Variants in EDA2R observed in about 807,000 individuals in gnomAD.
EDA2R encodes ectodysplasin A2 receptor, also known as tumor necrosis factor receptor superfamily member 27.
A neutral mutation model predicts 20.1 loss-of-function variants in EDA2R; 26 were observed. That is an observed-to-expected ratio of 1.30 (90% CI 0.95 to 1.80). The LOEUF (loss-of-function observed/expected upper bound fraction) is 1.80, where lower values mean the gene tolerates loss of function less well. Among genes scored for constraint, EDA2R ranks in the 40% most tolerant of loss-of-function variants. The pLI is 0.00. For synonymous variants in EDA2R, 114 were observed against 88.7 expected, an observed-to-expected ratio of 1.29 and a Z score of -1.60; for missense variants, 277 against 228.7, an observed-to-expected ratio of 1.21 and a Z score of -1.36.
intron 2 of EDA2R, among the ~76,000 whole-genome samples, chrX:66,611,356 A>T (rs1449472889): frequency 2.7e-5 from 3 of 112,066 alleles, no homozygotes; most frequent in African/African-American, 9.7e-5. Context: ...AGAAAAGTCA[A>T]TTAACTGACA....
intron 3 of EDA2R, 49 bp downstream of exon 3, chrX:66,604,999 C>T: frequency 1.8e-6 from 2 of 1,097,148 alleles, no homozygotes; most frequent in Non-Finnish European, 2.4e-6. Context: ...GAGAAACCTC[C>T]AACAGCTAGA....
chrX:66,599,346 G>T (rs1179279632), intron 6 of EDA2R, 128 bp downstream of exon 6: 33 of 774,060 alleles, frequency 4.3e-5, no homozygotes, highest in Non-Finnish European at 2.0e-5. Flanking sequence ...CACCCAAAGT[G>T]TTCCTAGCTT....
Position 66,605,155 on chromosome X carries a change from C to G in EDA2R, c.159G>C (p.Trp53Cys), listed in dbSNP as rs1929431108. The G allele has an allele frequency of 2.5e-6, 3 of 1,207,795 alleles. No homozygotes were observed. The highest frequency in any genetic ancestry group is 3.4e-6 in the Non-Finnish European group (3 of 894,363). Residue 53 changes from tryptophan (W) to cysteine (C), a missense_variant, in exon 3 of 7, where the codon TGG (tryptophan) becomes TGC (cysteine). By Grantham distance (215) the Trp-to-Cys change is radical. Coordinates refer to ENST00000374719, the MANE Select transcript of EDA2R (RefSeq NM_021783.5). ...TGCAACTCTGACATCTGTGGTGGCC[C>G]CAGCTGCTTTTGTACCTGCGAGGAG... Reference protein sequence around the residue: ...ACPPRRYKSSWGHHRCQSCIT... With the variant: ...ACPPRRYKSSCGHHRCQSCIT...
chrX:66,621,988 C>T (rs1274207447), intron 1 of EDA2R, among the ~76,000 whole-genome samples: 1 of 111,283 alleles, frequency 9.0e-6, no homozygotes, highest in Non-Finnish European at 1.9e-5. Flanking sequence ...AAGTTAGCCC[C>T]CCAAAAAATG....
chrX:66,615,499 G>A (rs917536362), intron 2 of EDA2R, among the ~76,000 whole-genome samples: 18 of 111,529 alleles, frequency 1.6e-4, no homozygotes, highest in African/African-American at 4.9e-4. Flanking sequence ...TAGACCCTCC[G>A]TGGTTCCCTA....
intron 1 of EDA2R, among the ~76,000 whole-genome samples, chrX:66,619,461 T>A (rs1395840272): frequency 3.6e-5 from 4 of 112,096 alleles, no homozygotes; most frequent in Non-Finnish European, 7.5e-5. Flanking sequence ...TTATGGACTT[T>A]ATGAAATAGC....
At chrX:66,618,396 G>A (rs1165333428) in intron 1 of EDA2R, among the ~76,000 whole-genome samples, 1 of 111,952 alleles carries the variant, frequency 8.9e-6, no homozygotes, top group Non-Finnish European at 1.9e-5. Context: ...ATTTTTCCCT[G>A]TAATCAACAG....
At position 66,597,154 on chromosome X, in the gene EDA2R, A is replaced by T. The variant is rs1927592111; in HGVS notation, c.*950T>A. ...GGAACTAGCTGTACAAGTTTCAGAC[A>T]GATTCTTGGAGAATAAAGAATACAA... On this transcript the variant is annotated 3_prime_UTR_variant, in exon 7 of 7. Transcript: ENST00000374719. 2.7e-5 allele frequency: 3 copies of T among 113,005 alleles called. No homozygotes were observed. The highest frequency in any genetic ancestry group is 9.3e-5 in the Admixed American group (1 of 10,710). The allele number at this position is 113,005 out of a possible 1,213,427, so 9.3% of individuals were successfully genotyped here.
At chrX:66,603,744 G>A (rs1276564762) in intron 4 of EDA2R, among the ~76,000 whole-genome samples, 2 of 112,140 alleles carry the variant, frequency 1.8e-5, no homozygotes, top group Non-Finnish European at 3.8e-5. Context: ...AGAGAATCTA[G>A]AAGAGAATTC....
intron 1 of EDA2R, among the ~76,000 whole-genome samples, chrX:66,625,962 G>T (rs1933029972): frequency 9.0e-6 from 1 of 111,565 alleles, no homozygotes; most frequent in Non-Finnish European, 1.9e-5. Context: ...ATAGGTAAAG[G>T]GGGAGAGTAC....
intron 2 of EDA2R, among the ~76,000 whole-genome samples, chrX:66,613,801 A>G (rs1179150691): frequency 1.8e-5 from 2 of 112,048 alleles, no homozygotes; most frequent in Non-Finnish European, 3.8e-5. Context: ...AATGGTGTTA[A>G]TTTTCTGCAA....
chrX:66,602,824 C>A, intron 4 of EDA2R, 27 bp from the exon 5 acceptor site: 1 of 1,152,614 alleles, frequency 8.7e-7, no homozygotes. Context: ...TGGGGGAGGT[C>A]AGTTAGCATG....
intron 4 of EDA2R, among the ~76,000 whole-genome samples, chrX:66,603,926 C>T (rs1205545972): frequency 9.0e-6 from 1 of 111,429 alleles, no homozygotes; most frequent in Non-Finnish European, 1.9e-5. Flanking sequence ...AAAAATATGT[C>T]AATAATTTTA....
At chrX:66,608,093 C>T (rs1001544750) in intron 2 of EDA2R, among the ~76,000 whole-genome samples, 8 of 111,507 alleles carry the variant, frequency 7.2e-5, no homozygotes, top group Non-Finnish European at 1.1e-4. Flanking sequence ...GAAAACTTCA[C>T]TAGAGAATTT....
intron 4 of EDA2R, among the ~76,000 whole-genome samples, chrX:66,603,549 T>A (rs761136784): frequency 5.1e-4 from 57 of 111,750 alleles, no homozygotes; most frequent in African/African-American, 1.8e-3. Flanking sequence ...AGACATATGG[T>A]CTAGAATGCA....
intron 2 of EDA2R, among the ~76,000 whole-genome samples, chrX:66,614,680 C>T (rs1931365151): frequency 8.9e-6 from 1 of 111,851 alleles, no homozygotes; most frequent in South Asian, 3.7e-4. Flanking sequence ...ATCCCTGCGC[C>T]TTATTCTCTT....
intron 2 of EDA2R, among the ~76,000 whole-genome samples, chrX:66,607,419 C>T (rs899881125): frequency 1.8e-5 from 2 of 111,038 alleles, no homozygotes; most frequent in Non-Finnish European, 3.8e-5. Flanking sequence ...AAATGGAGTG[C>T]TAGCCTAGGC....
chrX:66,613,632 C>A (rs1185220575), intron 2 of EDA2R, among the ~76,000 whole-genome samples: 1 of 111,398 alleles, frequency 9.0e-6, no homozygotes, highest in Admixed American at 9.6e-5. Flanking sequence ...CAGAGGGCCA[C>A]AACAGGAATT....
chrX:66,606,240 T>G (rs1929660069), intron 2 of EDA2R, among the ~76,000 whole-genome samples: 1 of 112,163 alleles, frequency 8.9e-6, no homozygotes, highest in Non-Finnish European at 1.9e-5. Flanking sequence ...GGTTGTTCAC[T>G]TAACCTATTC....
Sources: allele counts gnomAD v4.1 joint callset (sites outside exome capture counted in the v4.1 genomes callset), GRCh38; gene constraint gnomAD v4.1.1; transcripts MANE v1.5; gene names NCBI Gene and HGNC (gene_info 2026-07-23, HGNC 2026-07-21).